The following SCP2 variants were observed in gnomAD, a reference collection of about 807,000 sequenced individuals.
SCP2 encodes the protein SCP-2/3-oxoacyl-CoA thiolase.
Under a neutral mutation model 71.4 loss-of-function variants are expected in SCP2, and 48 were observed. The observed-to-expected ratio is 0.67, with a 90% CI of 0.53 to 0.86. SCP2 has a LOEUF of 0.86. Ranked by LOEUF, SCP2 falls within the 40% of genes least tolerant of loss-of-function variation. The pLI is 0.00. For missense variants in SCP2, 560 were observed against 655.6 expected (o/e 0.85, Z 1.59); for synonymous variants, 220 against 218.1 (o/e 1.01, Z -0.08).
In SCP2 at chr1:53,030,481, C is replaced by G. The variant is rs143332327; in HGVS notation, c.1338+2410C>G. Among the ~76,000 whole-genome samples, 698 of 152,186 alleles carry G rather than the reference C, an allele frequency of 4.6e-3. 4 individuals carry two copies. Among genetic ancestry groups the G allele is most frequent in the African/African-American group, 0.016 (669 of 41,520 alleles). Reference sequence around the variant, plus strand: ...AAACATTACCAATTCATGAGAGTGACTATTTTTTCCTTTTAAAACATTTAT... The same window carrying G: ...AAACATTACCAATTCATGAGAGTGAGTATTTTTTCCTTTTAAAACATTTAT... On this transcript the variant is annotated intron_variant, in intron 13 of 15. Coordinates refer to ENST00000371514, the MANE Select transcript of SCP2 (RefSeq NM_002979.5).
intron 2 of SCP2, among the ~76,000 whole-genome samples, chr1:52,946,314 G>A (rs886468120): frequency 1.3e-5 from 2 of 151,968 alleles, no homozygotes; most frequent in Non-Finnish European, 2.9e-5. Flanking sequence ...CTGTAGCCTT[G>A]ACCTCCAGGA....
intron 1 of SCP2, 33 bp downstream of exon 1, chr1:52,927,498 A>C: frequency 6.5e-7 from 1 of 1,538,840 alleles, no homozygotes; most frequent in South Asian, 1.2e-5. Context: ...TGGCCCTCTG[A>C]GGCTCGGGGG....
chr1:52,976,116 G>C (rs1657939882), intron 7 of SCP2, among the ~76,000 whole-genome samples: 1 of 152,164 alleles, frequency 6.6e-6, no homozygotes. Flanking sequence ...AAGCTTTCTT[G>C]CCTTTTCCCT....
At chr1:53,029,890 C>G (rs991574957) in intron 13 of SCP2, among the ~76,000 whole-genome samples, 4 of 151,158 alleles carry the variant, frequency 2.6e-5, no homozygotes, top group African/African-American at 9.7e-5. Flanking sequence ...AAATCTTTAC[C>G]CCCTGTTTTT....
rs1306871678 is a variant in SCP2, at chr1:53,047,912, T to C, written c.1523T>C (p.Met508Thr). 6.2e-7 allele frequency: 1 copy of C among 1,613,460 alleles called. No homozygotes were observed. Among genetic ancestry groups the C allele is most frequent in the Non-Finnish European group, 8.5e-7 (1 of 1,179,360 alleles). Residue 508 changes from methionine (M) to threonine (T), a missense_variant, in exon 15 of 16, where the codon ATG (methionine) becomes ACG (threonine). Around this residue, in one of 3 missense-constraint regions of SCP2, gnomAD observed 43 missense variants for 65.9 expected, o/e 0.65. Transcript: ENST00000371514. ...TMADSDFLAL[M>T]TGKMNPQSAF... ...GCTGACTCAGACTTCCTGGCTTTAATGACTGGTAAAATGAATCCTCAGTCG... is the reference window on the plus strand; with the variant it reads ...GCTGACTCAGACTTCCTGGCTTTAACGACTGGTAAAATGAATCCTCAGTCG...
rs1658587738 is a variant in SCP2, at chr1:52,982,303, G to A, written c.973+1760G>A. On this transcript the variant is annotated intron_variant, in intron 10 of 15. Coordinates refer to ENST00000371514, the MANE Select transcript of SCP2 (RefSeq NM_002979.5). ...CTCTCCCAGTTGGCAGGGCGCGGTG[G>A]CTCAGGCCTATAATCCCAGCACTTT... is the stretch of plus-strand genomic sequence containing the variant. 1.3e-5 allele frequency among the ~76,000 whole-genome samples: 2 copies of A among 152,180 alleles called. 1 individual carries two copies. The highest frequency in any genetic ancestry group is 4.1e-4 in the South Asian group (2 of 4,826).
chr1:53,027,757 G>A (rs367902832), intron 12 of SCP2, among the ~76,000 whole-genome samples: 15 of 152,140 alleles, frequency 9.9e-5, no homozygotes, highest in African/African-American at 3.6e-4. Context: ...CACTCGCCTC[G>A]GCCTCCCAAA....
Position 53,014,977 on chromosome 1 carries a change from A to G in SCP2, c.1169A>G (p.His390Arg). Residue 390 changes from histidine (H) to arginine (R), a missense_variant, in exon 12 of 16, where the codon CAT becomes CGT. His to Arg is a conservative substitution (Grantham distance 29). Around this residue, in one of 3 missense-constraint regions of SCP2, gnomAD observed 513 missense variants for 573.1 expected, o/e 0.90. Transcript: ENST00000371514. ...CCTGGTGCAAAGGTGGCTCTGCAGC[A>G]TAATTTAGGCATTGGAGGAGCTGTG... ...QVPGAKVALQ[H>R]NLGIGGAVVV... 1.2e-6 allele frequency: 2 copies of G among 1,614,170 alleles called. No homozygotes were observed. Among genetic ancestry groups the G allele is most frequent in the Non-Finnish European group, 1.7e-6 (2 of 1,180,006 alleles).
intron 14 of SCP2, among the ~76,000 whole-genome samples, chr1:53,042,258 G>C (rs1046462081): frequency 6.6e-6 from 1 of 151,192 alleles, no homozygotes; most frequent in African/African-American, 2.4e-5. Context: ...AGGAATTATA[G>C]TAGTGATCTT....
At chr1:53,045,378 A>G (rs185956538) in intron 14 of SCP2, among the ~76,000 whole-genome samples, 1,544 of 152,266 alleles carry the variant, frequency 0.01, 34 homozygotes, top group African/African-American at 0.035. Flanking sequence ...ATTCATTCAT[A>G]TGGTTGCGTG....
At chr1:53,015,190 A>C in intron 12 of SCP2, 147 bp downstream of exon 12, 1 of 867,208 alleles carries the variant, frequency 1.2e-6, no homozygotes, top group Non-Finnish European at 1.9e-6. Flanking sequence ...CATGGCTTTA[A>C]AAGTGGCCAT....
At chr1:52,935,587 C>CAAAA in intron 1 of SCP2, among the ~76,000 whole-genome samples, 1 of 108,722 alleles carries the variant, frequency 9.2e-6, no homozygotes, top group Non-Finnish European at 1.8e-5. Context: ...GAGACTCAGT[C>CAAAA]AAAAAAAAAA....
Position 52,988,052 on chromosome 1 carries a change from A to AGAG in SCP2, c.1001_1003dup (p.Gly334dup). On this transcript the variant is annotated inframe_insertion, in exon 11 of 16. Coordinates refer to ENST00000371514, the MANE Select transcript of SCP2 (RefSeq NM_002979.5). ...AGGACAAGGTGCAACGCTGGTTGATAGAGGAGATAATACATATGGAGGAAA... is the reference window on the plus strand; with the variant it reads ...AGGACAAGGTGCAACGCTGGTTGATAGAGGAGGAGATAATACATATGGAGGAAA... The AGAG allele has an allele frequency of 6.3e-7, 1 of 1,596,318 alleles. No individual in the cohort carries two copies. The highest frequency in any genetic ancestry group is 8.6e-7 in the Non-Finnish European group (1 of 1,164,542).
chr1:52,982,738 G>C (rs1477215108), intron 10 of SCP2, among the ~76,000 whole-genome samples: 1 of 152,002 alleles, frequency 6.6e-6, no homozygotes, highest in East Asian at 1.9e-4. Context: ...GCCGTACACT[G>C]TCCCTTATGT....
chr1:53,014,917 G>A lies in SCP2; in HGVS notation c.1109G>A (p.Trp370Ter). ...TGLAQCAELC[W>*]QLRGEAGKRQ... Reference sequence around the variant, plus strand: ...CTTGCTCAGTGTGCAGAACTCTGCTGGCAGCTGAGAGGGGAAGCCGGAAAG... The same window carrying A: ...CTTGCTCAGTGTGCAGAACTCTGCTAGCAGCTGAGAGGGGAAGCCGGAAAG... Residue 370 changes from tryptophan (W) to a stop codon, truncating the protein, a stop_gained, in exon 12 of 16, where the codon TGG (tryptophan) becomes TAG (stop). Transcript: ENST00000371514. LOFTEE classifies it high-confidence loss of function. The A allele has an allele frequency of 1.9e-6, 3 of 1,613,544 alleles. No homozygotes were observed. The highest frequency in any genetic ancestry group is 1.7e-6 in the Non-Finnish European group (2 of 1,179,934).
At chr1:53,045,561 C>T (rs1326989827) in intron 14 of SCP2, among the ~76,000 whole-genome samples, 2 of 152,044 alleles carry the variant, frequency 1.3e-5, no homozygotes, top group East Asian at 3.9e-4. Flanking sequence ...GGACACGCAC[C>T]CAGGGCTAGG....
chr1:52,950,324 G>A (rs1039556391), intron 3 of SCP2, among the ~76,000 whole-genome samples: 2 of 152,256 alleles, frequency 1.3e-5, no homozygotes, highest in African/African-American at 4.8e-5. Context: ...GTTTCACCAT[G>A]TTAGCCAGGA....
At chr1:53,048,053 C>T in intron 15 of SCP2, 116 bp downstream of exon 15, 1 of 758,816 alleles carries the variant, frequency 1.3e-6, no homozygotes, top group Non-Finnish European at 2.4e-6. Context: ...ACTCAGTGTT[C>T]CCCAAACAGT....
chr1:52,935,320 G>A (rs1188769782), intron 1 of SCP2, among the ~76,000 whole-genome samples: 1 of 151,992 alleles, frequency 6.6e-6, no homozygotes, highest in Non-Finnish European at 1.5e-5. Flanking sequence ...GGTGGCTCAT[G>A]CCTGTAATCC....
Sources: gnomAD v4.1 joint callset for allele counts (sites outside exome capture counted in the v4.1 genomes callset) on GRCh38, gnomAD v4.1.1 for gene constraint, gnomAD v4.1.1 regional missense constraint, MANE v1.5 for transcripts, NCBI Gene and HGNC (gene_info 2026-07-23, HGNC 2026-07-21) for gene names.